Variants in TMOD2 observed in about 807,000 individuals in gnomAD.
TMOD2 encodes the protein tropomodulin-2.
Under a neutral mutation model 39.9 loss-of-function variants are expected in TMOD2, and 22 were observed. The observed-to-expected ratio is 0.55, with a 90% CI of 0.39 to 0.79. The LOEUF is 0.79. Among genes scored for constraint, TMOD2 ranks in the 30% least tolerant of loss-of-function variants. The pLI is 0.00. For missense variants in TMOD2, 386 were observed against 413.3 expected (o/e 0.93, Z 0.57); for synonymous variants, 123 against 146.1 (o/e 0.84, Z 1.14).
intron 4 of TMOD2, among the ~76,000 whole-genome samples, chr15:51,775,282 C>T (rs2055878987): frequency 6.6e-6 from 1 of 152,150 alleles, no homozygotes; most frequent in Non-Finnish European, 1.5e-5. Flanking sequence ...GTCTAGTTCC[C>T]AGCCCTAAAC....
chr15:51,787,476 C>T (rs2055978753), intron 7 of TMOD2, among the ~76,000 whole-genome samples: 1 of 152,262 alleles, frequency 6.6e-6, no homozygotes, highest in African/African-American at 2.4e-5. Context: ...ATGTCCCTGC[C>T]TGACAGCTCT....
intron 1 of TMOD2, among the ~76,000 whole-genome samples, chr15:51,762,885 C>G (rs2055790925): frequency 6.6e-6 from 1 of 152,114 alleles, no homozygotes; most frequent in Non-Finnish European, 1.5e-5. Context: ...AGTTCATTCC[C>G]TTTTATTGCT....
intron 1 of TMOD2, among the ~76,000 whole-genome samples, chr15:51,760,481 G>A (rs542141889): frequency 6.6e-6 from 1 of 152,182 alleles, no homozygotes; most frequent in Admixed American, 6.5e-5. Flanking sequence ...GGCACACCCA[G>A]ATCATCCAAA....
chr15:51,757,530 T>C (rs2055750862), intron 1 of TMOD2, among the ~76,000 whole-genome samples: 1 of 152,204 alleles, frequency 6.6e-6, no homozygotes, highest in African/African-American at 2.4e-5. Context: ...TTAATCCTAT[T>C]TTCTGTTTTC....
chr15:51,777,581 A>C (rs2055898009), intron 5 of TMOD2, among the ~76,000 whole-genome samples: 1 of 152,184 alleles, frequency 6.6e-6, no homozygotes, highest in African/African-American at 2.4e-5. Context: ...GTGTACAATT[A>C]ATTAGACTTT....
intron 1 of TMOD2, 24 bp from the exon 2 acceptor site, chr15:51,766,349 A>C: frequency 8.2e-7 from 1 of 1,226,750 alleles, no homozygotes; most frequent in Non-Finnish European, 1.1e-6. Flanking sequence ...ATTCTTTTTT[A>C]TTGTGTTTCT....
At chr15:51,760,826 C>T (rs563699610) in intron 1 of TMOD2, among the ~76,000 whole-genome samples, 193 of 152,042 alleles carry the variant, frequency 1.3e-3, no homozygotes, top group Non-Finnish European at 2.5e-3. Flanking sequence ...AAAAAAAATC[C>T]TTAATCCTTA....
chr15:51,795,374 G>T (rs557245384), intron 7 of TMOD2, among the ~76,000 whole-genome samples: 1 of 149,950 alleles, frequency 6.7e-6, no homozygotes, highest in Non-Finnish European at 1.5e-5. Context: ...ACAGTGAGCC[G>T]ACACAGTGCC....
chr15:51,812,687 G>A lies in TMOD2; in HGVS notation c.*4233G>A, dbSNP rs1372676436. On this transcript the variant is annotated 3_prime_UTR_variant, in exon 10 of 10. Coordinates refer to ENST00000249700, the MANE Select transcript of TMOD2 (RefSeq NM_014548.4). Reference sequence around the variant, plus strand: ...AAATGGGCAGAGGGCGGGAAGTTGAGAACACTAGGTTCTGTGCTATGTTAC... The same window carrying A: ...AAATGGGCAGAGGGCGGGAAGTTGAAAACACTAGGTTCTGTGCTATGTTAC... The A allele has an allele frequency of 6.6e-6, 1 of 152,204 alleles. No homozygotes were observed. The highest frequency in any genetic ancestry group is 2.4e-5 in the African/African-American group (1 of 41,444). The allele number at this position is 152,204 out of a possible 1,614,324, so 9.4% of individuals were successfully genotyped here. A position where few individuals can be genotyped will look rare whatever the true frequency, so the allele number is the denominator to read the frequency against.
At chr15:51,800,535 CA>C (rs918943004) in intron 8 of TMOD2, among the ~76,000 whole-genome samples, 31 of 145,468 alleles carry the variant, frequency 2.1e-4, no homozygotes, top group Non-Finnish European at 3.6e-4. Context: ...GACCGTGTCT[CA>C]AAAAAAAAAC....
At chr15:51,769,996 A>G (rs1417965317) in intron 3 of TMOD2, among the ~76,000 whole-genome samples, 1 of 152,218 alleles carries the variant, frequency 6.6e-6, no homozygotes, top group Admixed American at 6.5e-5. Flanking sequence ...ATGCCACTGC[A>G]CTACAGCTTG....
intron 5 of TMOD2, among the ~76,000 whole-genome samples, chr15:51,778,301 A>G (rs1440379093): frequency 7.7e-6 from 1 of 130,626 alleles, no homozygotes; most frequent in Non-Finnish European, 1.6e-5. Flanking sequence ...ACACATGGAC[A>G]CAGGAAGGGG....
intron 4 of TMOD2, among the ~76,000 whole-genome samples, chr15:51,774,392 G>A (rs1464597668): frequency 6.6e-6 from 1 of 152,164 alleles, no homozygotes; most frequent in East Asian, 1.9e-4. Flanking sequence ...CCCATGTCTT[G>A]TACAGCCTTC....
At chr15:51,782,882 C>G (rs1278523752) in intron 7 of TMOD2, 54 bp downstream of exon 7, 2 of 1,524,042 alleles carry the variant, frequency 1.3e-6, no homozygotes, top group African/African-American at 2.8e-5. Flanking sequence ...ACTGGAAACT[C>G]TATTTACTTT....
intron 5 of TMOD2, among the ~76,000 whole-genome samples, chr15:51,780,201 A>G (rs1282089970): frequency 1.3e-5 from 2 of 152,368 alleles, no homozygotes; most frequent in Admixed American, 6.5e-5. Flanking sequence ...GTCATAGAAC[A>G]TGCACATCTT....
intron 7 of TMOD2, among the ~76,000 whole-genome samples, chr15:51,797,637 G>A (rs2056060194): frequency 6.6e-6 from 1 of 152,160 alleles, no homozygotes; most frequent in African/African-American, 2.4e-5. Flanking sequence ...CCCGTGTGCA[G>A]TCCGCTGTCT....
rs144788513 is a variant in TMOD2, at chr15:51,801,522, A to G, written c.876+3182A>G. Among the ~76,000 whole-genome samples the G allele has an allele frequency of 4.3e-3, 648 of 152,300 alleles. 4 individuals are homozygous for G. The highest frequency in any genetic ancestry group is 6.5e-3 in the Non-Finnish European group (442 of 68,024). On this transcript the variant is annotated intron_variant, in intron 8 of 9. Transcript: ENST00000249700. ...GTTTCCTCAGGCAGAACCAGAAGCC[A>G]AGACCAATTTAACAGCACAGCAATG...
intron 7 of TMOD2, among the ~76,000 whole-genome samples, chr15:51,797,912 T>A (rs535069562): frequency 1.3e-5 from 2 of 151,842 alleles, no homozygotes; most frequent in South Asian, 2.1e-4. Context: ...GGTTTTTTTT[T>A]AATGTCTCTA....
chr15:51,808,662 T>A lies in TMOD2; in HGVS notation c.*208T>A, dbSNP rs2056136823. ...ATTGTTTTATTTGCTCATGGGCACT[T>A]CTGGCAACTTGACAAATGGACCGAT... On this transcript the variant is annotated 3_prime_UTR_variant, in exon 10 of 10. Coordinates refer to ENST00000249700, the MANE Select transcript of TMOD2 (RefSeq NM_014548.4). 1 of 398,498 alleles carries A rather than the reference T, an allele frequency of 2.5e-6. No homozygotes were observed. The highest frequency in any genetic ancestry group is 4.4e-5 in the Admixed American group (1 of 22,542). The allele number at this position is 398,498 out of a possible 1,614,324, so 24.7% of individuals were successfully genotyped here. A position where few individuals can be genotyped will look rare whatever the true frequency, so the allele number is the denominator to read the frequency against.
Sources: allele counts gnomAD v4.1 joint callset (sites outside exome capture counted in the v4.1 genomes callset), GRCh38; gene constraint gnomAD v4.1.1; transcripts MANE v1.5; gene names NCBI Gene and HGNC (gene_info 2026-07-23, HGNC 2026-07-21).